The following PAAF1 variants were observed in gnomAD, a reference collection of about 807,000 sequenced individuals.
The protein encoded by PAAF1 is proteasomal ATPase-associated factor 1.
Under a neutral mutation model 52.8 loss-of-function variants are expected in PAAF1, and 46 were observed. The observed-to-expected ratio is 0.87, with a 90% CI of 0.69 to 1.11. The LOEUF is 1.11. PAAF1 is among the 50% of genes most tolerant of loss of function. The pLI is 0.00. For synonymous variants in PAAF1, 178 were observed against 172.8 expected (o/e 1.03, Z -0.24); for missense variants, 424 against 477.4 (o/e 0.89, Z 1.04).
At chr11:73,879,473 C>G (rs1948833034) in intron 2 of PAAF1, 1 of 152,178 alleles carries the variant, frequency 6.6e-6, no homozygotes, top group African/African-American at 2.4e-5. Flanking sequence ...TGGTACCATT[C>G]TAAAACAAAT....
intron 2 of PAAF1, chr11:73,886,983 C>T (rs539628785): frequency 1.4e-5 from 6 of 442,846 alleles, no homozygotes; most frequent in Non-Finnish European, 2.7e-5. Flanking sequence ...TCCTCTCTCA[C>T]CATGTGATCT....
intron 10 of PAAF1, 29 bp from the exon 11 acceptor site, chr11:73,924,582 CTTAG>C: frequency 6.4e-7 from 1 of 1,558,742 alleles, no homozygotes; most frequent in East Asian, 2.2e-5. Flanking sequence ...GCAGTTTTCT[CTTAG>C]TTATATGAAT....
chr11:73,896,169 C>A (rs2135158866), intron 4 of PAAF1, among the ~76,000 whole-genome samples: 1 of 149,576 alleles, frequency 6.7e-6, no homozygotes, highest in East Asian at 1.9e-4. Flanking sequence ...TCTGAAATTT[C>A]TCTATTCTTT....
Position 73,899,264 on chromosome 11 carries a change from T to C in PAAF1, c.381+20T>C. ...CTCAGGGTAAAGGATTTGGATGTAC[T>C]TTTAGGTCTTAAACACAAAGGGTGG... On this transcript the variant is annotated intron_variant, in intron 5 of 11. Coordinates refer to ENST00000310571, the MANE Select transcript of PAAF1 (RefSeq NM_025155.3). 1 of 1,591,722 alleles carries C rather than the reference T, an allele frequency of 6.3e-7. No homozygotes were observed. The highest frequency in any genetic ancestry group is 1.1e-5 in the South Asian group (1 of 90,452).
At chr11:73,907,114 A>C (rs1001403707) in intron 6 of PAAF1, among the ~76,000 whole-genome samples, 2 of 149,008 alleles carry the variant, frequency 1.3e-5, no homozygotes, top group African/African-American at 5.0e-5. Flanking sequence ...CTTTATGTCT[A>C]TAATCAACTC....
chr11:73,924,424 C>G (rs1950300337), intron 10 of PAAF1, among the ~76,000 whole-genome samples, 191 bp from the exon 11 acceptor site: 2 of 151,778 alleles, frequency 1.3e-5, no homozygotes, highest in Admixed American at 6.6e-5. Context: ...CTAGCCTGGG[C>G]AAAAAGAACG....
intron 4 of PAAF1, among the ~76,000 whole-genome samples, chr11:73,898,169 AAG>A (rs1388237262): frequency 1.3e-4 from 18 of 136,792 alleles, no homozygotes; most frequent in South Asian, 2.7e-4. Flanking sequence ...AGACCGTGGA[AAG>A]AGAGGGAGAG....
In PAAF1 at chr11:73,891,160, T is replaced by C; in HGVS notation, c.241T>C (p.Leu81=). Residue 81 remains leucine, a synonymous_variant, in exon 4 of 12, where the codon TTG becomes CTG. Transcript: ENST00000310571. ...CPKENASSKF[L]APYTTFSRIH... is the part of the protein sequence containing the mutation. ...AAAGGAAAATGCATCTTCTAAGTTT[T>C]TGGCACCATATACTACTTTTTCCAG... is the stretch of plus-strand genomic sequence containing the variant. 6.2e-7 allele frequency: 1 copy of C among 1,600,934 alleles called. No homozygotes were observed. The highest frequency in any genetic ancestry group is 8.6e-7 in the Non-Finnish European group (1 of 1,169,216).
chr11:73,898,113 A>T (rs1949473312), intron 4 of PAAF1, among the ~76,000 whole-genome samples: 1 of 148,558 alleles, frequency 6.7e-6, no homozygotes, highest in South Asian at 2.2e-4. Context: ...GGGAGGTTGC[A>T]GTGAGCTGAG....
intron 1 of PAAF1, 120 bp downstream of exon 1, chr11:73,877,188 A>G: frequency 9.2e-7 from 1 of 1,081,134 alleles, no homozygotes; most frequent in Non-Finnish European, 1.3e-6. Context: ...GTCGAGGGAT[A>G]TGGAGGGAAC....
At chr11:73,913,524 A>G (rs1949987195) in intron 7 of PAAF1, among the ~76,000 whole-genome samples, 1 of 152,032 alleles carries the variant, frequency 6.6e-6, no homozygotes, top group Non-Finnish European at 1.5e-5. Flanking sequence ...TTCTGATCTT[A>G]TTTTCCTATT....
chr11:73,930,766 T>A lies in PAAF1; in HGVS notation c.*3404T>A, dbSNP rs1211044321. The stretch of plus-strand genomic sequence containing the variant: ...TCTCTCAAAAAAGAAAAAAAAAATA[T>A]GTATATATATATGTATATATATATA... On this transcript the variant is annotated 3_prime_UTR_variant, in exon 12 of 12. Transcript: ENST00000310571. 1.3e-5 allele frequency: 2 copies of A among 149,076 alleles called. No individual in the cohort carries two copies. The highest frequency in any genetic ancestry group is 2.5e-5 in the African/African-American group (1 of 40,710). 9.2% of individuals were successfully genotyped at this position (149,076 alleles called of 1,614,324 possible). A position where few individuals can be genotyped will look rare whatever the true frequency, so the allele number is the denominator to read the frequency against.
At chr11:73,899,320 G>A (rs1244501709) in intron 5 of PAAF1, 76 bp downstream of exon 5, 1 of 1,033,310 alleles carries the variant, frequency 9.7e-7, no homozygotes, top group African/African-American at 1.6e-5. Flanking sequence ...GACATGGAAG[G>A]AAGAATGGCC....
At position 73,918,957 on chromosome 11, in the gene PAAF1, G is replaced by A; in HGVS notation, c.943G>A (p.Val315Ile). ...QLDVRSPRAP[V>I]QVIHRSGAPV... ...CCTTTCTCTGAATCCTAGGGCTCCG[G>A]TACAAGTCATCCACAGATCAGGAGC... is the stretch of plus-strand genomic sequence containing the variant. Residue 315 changes from valine to isoleucine, a missense_variant, in exon 10 of 12, where the codon GTA becomes ATA. Coordinates refer to ENST00000310571, the MANE Select transcript of PAAF1 (RefSeq NM_025155.3). 1.2e-6 allele frequency: 2 copies of A among 1,612,466 alleles called. No homozygotes were observed. The highest frequency in any genetic ancestry group is 1.7e-6 in the Non-Finnish European group (2 of 1,179,590).
rs1462494041 is a variant in PAAF1 at position 73,914,455 on chromosome 11, C to T, written c.770C>T (p.Ala257Val). ...VGTEAKMLLL[A>V]REDKKLQCLG... ...ACAGAGGCCAAAATGCTGCTCTTGG[C>T]CCGGGAAGATAAGAAACTTCAGTGC... Residue 257 changes from alanine to valine, a missense_variant, in exon 8 of 12, where the codon GCC becomes GTC. Ala to Val is a moderately conservative substitution (Grantham distance 64). Transcript: ENST00000310571. 1.2e-6 allele frequency: 2 copies of T among 1,613,976 alleles called. No individual in the cohort carries two copies. Among genetic ancestry groups the T allele is most frequent in the Non-Finnish European group, 1.7e-6 (2 of 1,179,958 alleles).
chr11:73,919,913 A>G (rs1379968537), intron 10 of PAAF1, among the ~76,000 whole-genome samples: 1 of 152,192 alleles, frequency 6.6e-6, no homozygotes, highest in Admixed American at 6.5e-5. Context: ...AGAAGTCCAG[A>G]GTCCATTTCA....
intron 4 of PAAF1, among the ~76,000 whole-genome samples, chr11:73,895,707 A>T (rs1029892552): frequency 6.6e-6 from 1 of 152,148 alleles, no homozygotes; most frequent in Admixed American, 6.5e-5. Context: ...TTTCTGGAGC[A>T]TTTGCAGCTG....
intron 3 of PAAF1, among the ~76,000 whole-genome samples, chr11:73,890,802 T>G (rs537857137): frequency 2.6e-5 from 4 of 152,360 alleles, no homozygotes; most frequent in African/African-American, 9.6e-5. Context: ...GATTTTCTTC[T>G]TAAAACGAAT....
intron 9 of PAAF1, among the ~76,000 whole-genome samples, chr11:73,918,619 C>G (rs1288005988): frequency 6.6e-6 from 1 of 151,594 alleles, no homozygotes; most frequent in Non-Finnish European, 1.5e-5. Flanking sequence ...AGAGTCCTGA[C>G]AATTTTAATA....
Sources: allele counts gnomAD v4.1 joint callset (sites outside exome capture counted in the v4.1 genomes callset), GRCh38; gene constraint gnomAD v4.1.1; transcripts MANE v1.5; gene names NCBI Gene and HGNC (gene_info 2026-07-23, HGNC 2026-07-21).